SLC71A1: variants seen among roughly 807,000 people sequenced by gnomAD.
The protein encoded by SLC71A1 is solute carrier family 71 member 1.
the SLC71A1 span, chr1:100,078,935 G>A: frequency 3.9e-5 from 6 of 155,576 alleles, no homozygotes; most frequent in East Asian, 1.9e-4. Flanking sequence ...GCAGGGTGGC[G>A]CATGCTTGTA....
At chr1:100,038,156 T>G in the SLC71A1 span, 1 of 1,282,308 alleles carries the variant, frequency 7.8e-7, no homozygotes, top group Non-Finnish European at 1.1e-6. Flanking sequence ...CCGGCAGTAG[T>G]GGTGGGACGG....
the SLC71A1 span, among the ~76,000 whole-genome samples, chr1:100,049,363 T>G: frequency 6.6e-6 from 1 of 151,380 alleles, no homozygotes; most frequent in African/African-American, 2.4e-5. Context: ...CAGAATAATC[T>G]TAAAACTTTC....
chr1:100,080,410 T>A, the SLC71A1 span: 1 of 1,048,624 alleles, frequency 9.5e-7, no homozygotes, highest in Non-Finnish European at 1.4e-6. Context: ...GATTTTAGAT[T>A]AAGTGATTTC....
At chr1:100,068,037 C>T in the SLC71A1 span, 13 of 1,613,990 alleles carry the variant, frequency 8.1e-6, no homozygotes, top group Non-Finnish European at 8.5e-6. Flanking sequence ...TTATCTTGGA[C>T]GAGTATATGG....
chr1:100,057,511 C>T, the SLC71A1 span, among the ~76,000 whole-genome samples: 11 of 152,002 alleles, frequency 7.2e-5, no homozygotes, highest in South Asian at 8.3e-4. Context: ...CCTGCCACCA[C>T]GCCTGGCTAA....
the SLC71A1 span, among the ~76,000 whole-genome samples, chr1:100,048,426 C>T: frequency 6.6e-6 from 1 of 152,100 alleles, no homozygotes; most frequent in Non-Finnish European, 1.5e-5. Context: ...GTGATCTGCC[C>T]ACCTTGGCCT....
chr1:100,042,067 G>A, the SLC71A1 span, among the ~76,000 whole-genome samples: 1 of 152,132 alleles, frequency 6.6e-6, no homozygotes, highest in Non-Finnish European at 1.5e-5. Context: ...ATTACCACTT[G>A]TTTTTAAGCA....
the SLC71A1 span, chr1:100,067,977 G>A: frequency 6.2e-7 from 1 of 1,613,588 alleles, no homozygotes; most frequent in Non-Finnish European, 8.5e-7. Flanking sequence ...TTTATTGCAG[G>A]TTTCAGCAAC....
chr1:100,044,647 C>G, the SLC71A1 span, among the ~76,000 whole-genome samples: 1 of 151,760 alleles, frequency 6.6e-6, no homozygotes, highest in African/African-American at 2.4e-5. Flanking sequence ...TCCCAAGTAG[C>G]TGGGATTACA....
At chr1:100,047,939 T>C in the SLC71A1 span, among the ~76,000 whole-genome samples, 1 of 152,194 alleles carries the variant, frequency 6.6e-6, no homozygotes, top group Non-Finnish European at 1.5e-5. Context: ...CAGAATAGCA[T>C]AGTAAACAAT....
chr1:100,066,988 CAA>C, the SLC71A1 span, among the ~76,000 whole-genome samples: 1,057 of 69,212 alleles, frequency 0.015, 1 homozygote, highest in Middle Eastern at 0.087. Context: ...GACTCCGTCT[CAA>C]AAAAAAAAAA....
the SLC71A1 span, among the ~76,000 whole-genome samples, chr1:100,065,670 C>T: frequency 6.8e-6 from 1 of 146,614 alleles, no homozygotes; most frequent in African/African-American, 2.6e-5. Flanking sequence ...TTTTCCTTTC[C>T]CTTCCCCTTT....
the SLC71A1 span, among the ~76,000 whole-genome samples, chr1:100,056,265 G>A: frequency 1.3e-5 from 2 of 152,208 alleles, no homozygotes; most frequent in Non-Finnish European, 2.9e-5. Context: ...GAGAACATGT[G>A]AAGTTTCTCC....
the SLC71A1 span, among the ~76,000 whole-genome samples, chr1:100,063,808 T>TG: frequency 7.2e-5 from 11 of 151,908 alleles, no homozygotes; most frequent in Non-Finnish European, 1.5e-4. Flanking sequence ...AAAAGGGGGT[T>TG]GGGGGGTGCG....
the SLC71A1 span, among the ~76,000 whole-genome samples, chr1:100,062,370 T>C: frequency 2.0e-5 from 3 of 152,234 alleles, no homozygotes; most frequent in Non-Finnish European, 4.4e-5. Context: ...AGTCTCTGTC[T>C]CATTCTTTTG....
chr1:100,042,939 AGG>A, the SLC71A1 span: 1 of 227,806 alleles, frequency 4.4e-6, no homozygotes, highest in Non-Finnish European at 7.3e-6. Flanking sequence ...TAGAAACATC[AGG>A]GTGTTTATAT....
the SLC71A1 span, among the ~76,000 whole-genome samples, chr1:100,058,358 G>C: frequency 6.6e-6 from 1 of 152,294 alleles, no homozygotes; most frequent in South Asian, 2.1e-4. Flanking sequence ...TTCAGCTTCA[G>C]CTTTGCCATT....
chr1:100,073,416 T>C, the SLC71A1 span, among the ~76,000 whole-genome samples: 6 of 152,302 alleles, frequency 3.9e-5, no homozygotes, highest in Admixed American at 2.0e-4. Flanking sequence ...CATGGTTGAG[T>C]ATGTTCTGTT....
chr1:100,038,101 A>C, the SLC71A1 span: 1 of 749,218 alleles, frequency 1.3e-6, no homozygotes, highest in East Asian at 2.8e-5. Context: ...CGCCGGAGGC[A>C]GGCCGGGCCC....
Sources: allele counts gnomAD v4.1 joint callset (sites outside exome capture counted in the v4.1 genomes callset), GRCh38; gene constraint gnomAD v4.1.1; transcripts MANE v1.5; gene names NCBI Gene and HGNC (gene_info 2026-07-23, HGNC 2026-07-21).